MGLL: variants seen among roughly 807,000 people sequenced by gnomAD.
The protein encoded by MGLL is monoglyceride lipase, also known as lysophospholipase homolog.
MGLL carries 7 observed loss-of-function variants against 29.1 expected under a neutral mutation model. That is an observed-to-expected ratio of 0.24 (90% confidence interval 0.14 to 0.45). The LOEUF (loss-of-function observed/expected upper bound fraction) is 0.45. MGLL is among the 20% of genes least tolerant of loss of function. The probability of loss-of-function intolerance (pLI) is 0.99; values close to 1 mark genes in which losing one functional copy is unlikely to be tolerated. For missense variants in MGLL, 356 were observed against 413.6 expected, an observed-to-expected ratio of 0.86 and a Z score of 1.21; for synonymous variants, 148 against 168.3, an observed-to-expected ratio of 0.88 and a Z score of 0.93.
At chr3:127,744,852 T>C (rs1157207442) in intron 3 of MGLL, among the ~76,000 whole-genome samples, 1 of 152,172 alleles carries the variant, frequency 6.6e-6, no homozygotes, top group Non-Finnish European at 1.5e-5. Flanking sequence ...ATATGTCAAA[T>C]TAGGTAAATT....
At chr3:127,734,023 G>A (rs1039340716) in intron 3 of MGLL, among the ~76,000 whole-genome samples, 4 of 152,236 alleles carry the variant, frequency 2.6e-5, no homozygotes, top group African/African-American at 9.6e-5. Context: ...TCCTTGCAGA[G>A]CAGGAGGCCC....
intron 1 of MGLL, 21 bp downstream of exon 1, chr3:127,822,288 T>G (rs779912073): frequency 3.0e-5 from 49 of 1,608,938 alleles, no homozygotes; most frequent in Non-Finnish European, 4.0e-5. Context: ...CCATCTGAAA[T>G]TCCAAGGATA....
intron 5 of MGLL, chr3:127,714,057 A>C (rs1322460265): frequency 1.3e-5 from 2 of 151,438 alleles, no homozygotes; most frequent in Non-Finnish European, 2.9e-5. Flanking sequence ...AACTTTTTGC[A>C]GTTAAAGTAA....
chr3:127,736,202 T>TA, intron 3 of MGLL: 16 of 1,009,168 alleles, frequency 1.6e-5, no homozygotes, highest in Non-Finnish European at 1.9e-5. Flanking sequence ...AGTATCACTT[T>TA]AAAAAACAAA....
At chr3:127,785,189 C>A (rs1326872994) in intron 2 of MGLL, among the ~76,000 whole-genome samples, 2 of 152,112 alleles carry the variant, frequency 1.3e-5, no homozygotes, top group Non-Finnish European at 2.9e-5. Context: ...GTGAGACCTT[C>A]CCCCCTCCTT....
At chr3:127,746,366 T>C (rs1167969558) in intron 3 of MGLL, among the ~76,000 whole-genome samples, 1 of 152,102 alleles carries the variant, frequency 6.6e-6, no homozygotes, top group East Asian at 1.9e-4. Context: ...CAGCACTCTC[T>C]TGTCCTGGGC....
rs181413420 is a variant in MGLL, at chr3:127,756,559, C to A, written c.262+25230G>T. Among the ~76,000 whole-genome samples the A allele has an allele frequency of 2.6e-5, 4 of 152,206 alleles. No individual in the cohort carries two copies. In the South Asian group the frequency reaches 6.2e-4, roughly 24 times the overall value. ...CACATGCCCCCATGGTATGCTGTGGCCCCTTCTCTTGGGAACTGAGAGGAA... is the reference window on the plus strand; with the variant it reads ...CACATGCCCCCATGGTATGCTGTGGACCCTTCTCTTGGGAACTGAGAGGAA... On this transcript the variant is annotated intron_variant, in intron 3 of 7. Transcript: ENST00000265052.
rs1467194855 is a variant in MGLL at position 127,695,095 on chromosome 3, G to A, written c.696C>T (p.Arg232=). The part of the protein sequence containing the change: ...QLLNAVSRVE[R]ALPKLTVPFL... ...AGGGCACAGTCAGCTTGGGGAGGGCGCGCTCCACCCGTGAGACGGCATTCA... is the reference window on the plus strand; with the variant it reads ...AGGGCACAGTCAGCTTGGGGAGGGCACGCTCCACCCGTGAGACGGCATTCA... The change falls in exon 7 of 8, where the codon CGC becomes CGT. Residue 232 remains arginine (R), a synonymous_variant. Transcript: ENST00000265052. 6.8e-6 allele frequency: 11 copies of A among 1,614,148 alleles called. No homozygotes were observed. Among genetic ancestry groups the A allele is most frequent in the African/African-American group, 1.3e-5 (1 of 75,052 alleles).
At chr3:127,766,710 A>C (rs2076862210) in intron 3 of MGLL, among the ~76,000 whole-genome samples, 5 of 152,240 alleles carry the variant, frequency 3.3e-5, no homozygotes, top group Admixed American at 3.3e-4. Flanking sequence ...ATAAATTTTT[A>C]TGACAAAAGA....
intron 3 of MGLL, among the ~76,000 whole-genome samples, chr3:127,743,931 C>A (rs1474170069): frequency 6.6e-6 from 1 of 152,194 alleles, no homozygotes; most frequent in Non-Finnish European, 1.5e-5. Flanking sequence ...CCGACTACCA[C>A]TGCACTGAGT....
intron 2 of MGLL, among the ~76,000 whole-genome samples, chr3:127,816,651 C>T (rs2077761154): frequency 6.6e-6 from 1 of 152,240 alleles, no homozygotes. Context: ...TCCAGGTAAA[C>T]TGGCATAGAT....
intron 3 of MGLL, among the ~76,000 whole-genome samples, chr3:127,751,887 G>A (rs2076565618): frequency 6.6e-6 from 1 of 152,206 alleles, no homozygotes; most frequent in Non-Finnish European, 1.5e-5. Context: ...CCAATTCACA[G>A]TGGGCCTTTC....
intron 2 of MGLL, among the ~76,000 whole-genome samples, chr3:127,794,739 C>T (rs572906539): frequency 1.3e-5 from 2 of 152,232 alleles, no homozygotes; most frequent in African/African-American, 2.4e-5. Flanking sequence ...ACTCTCTTCT[C>T]TGATGTAAGA....
intron 3 of MGLL, among the ~76,000 whole-genome samples, chr3:127,723,906 TG>T (rs2075983885): frequency 6.6e-6 from 1 of 152,162 alleles, no homozygotes; most frequent in Non-Finnish European, 1.5e-5. Context: ...TTAAAAAACA[TG>T]ACTAAGTTAA....
At chr3:127,701,813 A>G (rs1291819764) in intron 6 of MGLL, among the ~76,000 whole-genome samples, 1 of 151,798 alleles carries the variant, frequency 6.6e-6, no homozygotes, top group African/African-American at 2.4e-5. Context: ...CTCCGTTTCC[A>G]CCATCCCCTT....
intron 3 of MGLL, among the ~76,000 whole-genome samples, chr3:127,760,919 C>T (rs138237533): frequency 2.3e-4 from 35 of 152,250 alleles, no homozygotes; most frequent in African/African-American, 8.4e-4. Context: ...TGGGGTGATC[C>T]GTGGAAAAAA....
intron 1 of MGLL, chr3:127,822,047 T>C: frequency 1.5e-6 from 1 of 676,196 alleles, no homozygotes; most frequent in South Asian, 2.1e-5. Context: ...ATGCTCACTT[T>C]ATTTTTTAAG....
intron 5 of MGLL, among the ~76,000 whole-genome samples, chr3:127,714,699 C>T (rs534018): frequency 0.46 from 70,252 of 151,922 alleles, 16,462 homozygotes; most frequent in Non-Finnish European, 0.51. Context: ...GCATAGATGG[C>T]TGCTGAAGCC....
At chr3:127,810,361 C>G (rs538893685) in intron 2 of MGLL, among the ~76,000 whole-genome samples, 1 of 152,336 alleles carries the variant, frequency 6.6e-6, no homozygotes, top group East Asian at 1.9e-4. Context: ...GCCAGCCATT[C>G]CAAACTTACA....
Sources: allele counts gnomAD v4.1 joint callset (sites outside exome capture counted in the v4.1 genomes callset), GRCh38; gene constraint gnomAD v4.1.1; transcripts MANE v1.5; gene names NCBI Gene and HGNC (gene_info 2026-07-23, HGNC 2026-07-21).